Variants in JAK1 observed in about 807,000 individuals in gnomAD.
The protein encoded by JAK1 is Janus kinase 1.
In JAK1, 16 loss-of-function variants were observed where a neutral mutation model predicts 136.6. That is an observed-to-expected ratio of 0.12 (90% CI 0.08 to 0.18). The LOEUF is 0.18. Among genes scored for constraint, JAK1 ranks in the 10% least tolerant of loss-of-function variants. The probability of loss-of-function intolerance (pLI) is 1.00; values close to 1 mark genes in which losing one functional copy is unlikely to be tolerated. For missense variants in JAK1, 859 were observed against 1,450.1 expected (o/e 0.59, Z 6.62); for synonymous variants, 492 against 519.5 (o/e 0.95, Z 0.72).
At chr1:65,046,162 T>C (rs1361466953) in intron 1 of JAK1, among the ~76,000 whole-genome samples, 1 of 152,250 alleles carries the variant, frequency 6.6e-6, no homozygotes, top group Non-Finnish European at 1.5e-5. Context: ...TTATTTTTCA[T>C]AATCATCAGC....
chr1:65,066,271 C>A (rs1475708336), intron 1 of JAK1, among the ~76,000 whole-genome samples: 1 of 152,148 alleles, frequency 6.6e-6, no homozygotes, highest in African/African-American at 2.4e-5. Context: ...CCGGCGTCTC[C>A]GCCAAGTCCC....
intron 1 of JAK1, among the ~76,000 whole-genome samples, chr1:64,947,688 A>G (rs1042836803): frequency 6.6e-6 from 1 of 152,054 alleles, no homozygotes; most frequent in Non-Finnish European, 1.5e-5. Flanking sequence ...TTCACTGAAC[A>G]ACAGGTCCCT....
At chr1:64,930,479 T>A (rs1036521099) in intron 1 of JAK1, among the ~76,000 whole-genome samples, 5 of 152,084 alleles carry the variant, frequency 3.3e-5, no homozygotes, top group Admixed American at 3.3e-4. Flanking sequence ...AGAATGGCGA[T>A]CATTAAAAAG....
chr1:65,014,240 G>A (rs1417172386), intron 2 of JAK1, among the ~76,000 whole-genome samples: 3 of 152,038 alleles, frequency 2.0e-5, no homozygotes, highest in Non-Finnish European at 4.4e-5. Context: ...GGCAGAAACA[G>A]TATTTGAAGA....
At chr1:64,847,728 A>G in intron 12 of JAK1, 53 bp from the exon 13 acceptor site, 3 of 1,591,522 alleles carry the variant, frequency 1.9e-6, no homozygotes, top group Non-Finnish European at 2.6e-6. Context: ...GAAGTGATGG[A>G]CCGTCTGGGA....
intron 1 of JAK1, among the ~76,000 whole-genome samples, chr1:64,919,375 C>T (rs1645456783): frequency 6.6e-6 from 1 of 152,172 alleles, no homozygotes; most frequent in Non-Finnish European, 1.5e-5. Context: ...CATAGTATTC[C>T]ATGGTGTATA....
intron 1 of JAK1, among the ~76,000 whole-genome samples, chr1:64,937,618 T>C (rs545022932): frequency 6.6e-6 from 1 of 152,264 alleles, no homozygotes; most frequent in East Asian, 1.9e-4. Context: ...TAGGCATTAG[T>C]GGAACACTGA....
At chr1:64,858,691 T>C (rs577530467) in intron 9 of JAK1, among the ~76,000 whole-genome samples, 1 of 152,288 alleles carries the variant, frequency 6.6e-6, no homozygotes, top group South Asian at 2.1e-4. Context: ...GCCCCAGCCT[T>C]TGGGAAGCTC....
chr1:64,844,290 G>A lies in JAK1; in HGVS notation c.2252-75C>T. On this transcript the variant is annotated intron_variant, in intron 16 of 24. Coordinates refer to ENST00000342505, the MANE Select transcript of JAK1 (RefSeq NM_002227.4). The surrounding 1 kb of genome is among the most constrained non-coding windows in gnomAD (Gnocchi z 5.7). ...GATTCAATTACTGTCACTGCAGCCA[G>A]AACAGTGAGCCAATGAAGGAACTAC... is the stretch of plus-strand genomic sequence containing the variant. 1 of 1,559,296 alleles carries A rather than the reference G, an allele frequency of 6.4e-7. No individual in the cohort carries two copies. Among genetic ancestry groups the A allele is most frequent in the Non-Finnish European group, 8.8e-7 (1 of 1,131,472 alleles).
At chr1:64,881,844 A>C (rs528952911) in intron 3 of JAK1, among the ~76,000 whole-genome samples, 177 of 152,250 alleles carry the variant, frequency 1.2e-3, no homozygotes, top group Non-Finnish European at 1.9e-3. Flanking sequence ...TTACAAACTG[A>C]GTGAGGTTTA....
intron 19 of JAK1, among the ~76,000 whole-genome samples, chr1:64,840,009 A>C (rs1654787442): frequency 6.6e-6 from 1 of 152,238 alleles, no homozygotes; most frequent in South Asian, 2.1e-4. Flanking sequence ...TACTGAGCCA[A>C]GACAAAGTAG....
intron 2 of JAK1, among the ~76,000 whole-genome samples, chr1:65,015,994 T>A (rs1646889167): frequency 6.6e-6 from 1 of 152,216 alleles, no homozygotes; most frequent in Non-Finnish European, 1.5e-5. Flanking sequence ...ATACATACAA[T>A]GGAATATTAT....
chr1:64,949,108 A>C (rs1024698812), intron 1 of JAK1, among the ~76,000 whole-genome samples: 3 of 152,228 alleles, frequency 2.0e-5, no homozygotes, highest in African/African-American at 7.2e-5. Flanking sequence ...GGATAGACTT[A>C]ATCCTAACAG....
At chr1:64,916,380 A>G (rs1270373187) in intron 1 of JAK1, among the ~76,000 whole-genome samples, 3 of 152,204 alleles carry the variant, frequency 2.0e-5, no homozygotes, top group African/African-American at 4.8e-5. Context: ...AAAGGGCCCT[A>G]CGGAACTTCT....
At chr1:64,889,029 G>A (rs1233491267) in intron 1 of JAK1, among the ~76,000 whole-genome samples, 1 of 152,222 alleles carries the variant, frequency 6.6e-6, no homozygotes, top group Non-Finnish European at 1.5e-5. Context: ...AGGATGACAA[G>A]CGGTTTTTTT....
rs1646380452 is a variant in JAK1 at position 64,966,421 on chromosome 1, G to C, written c.-166C>G. 1 of 151,240 alleles carries C rather than the reference G, an allele frequency of 6.6e-6. No homozygotes were observed. Among genetic ancestry groups the C allele is most frequent in the African/African-American group, 2.4e-5 (1 of 41,322 alleles). 9.4% of individuals were successfully genotyped at this position (151,240 alleles called of 1,614,324 possible). A position where few individuals can be genotyped will look rare whatever the true frequency, so the allele number is the denominator to read the frequency against. ...GGCTCGCTAGGCGGCCAGCCCCGCGGGGCCCCAGCGTGCGCGCGCCCAGGG... is the reference window on the plus strand; with the variant it reads ...GGCTCGCTAGGCGGCCAGCCCCGCGCGGCCCCAGCGTGCGCGCGCCCAGGG... On this transcript the variant is annotated 5_prime_UTR_variant, in exon 1 of 25. Coordinates refer to ENST00000342505, the MANE Select transcript of JAK1 (RefSeq NM_002227.4).
intron 2 of JAK1, among the ~76,000 whole-genome samples, chr1:65,026,737 G>T (rs534696533): frequency 3.9e-5 from 6 of 152,052 alleles, no homozygotes; most frequent in Non-Finnish European, 8.8e-5. Context: ...GGCAGAGGGC[G>T]GGCAGATCAC....
rs1040557489 is a variant in JAK1 at position 64,849,465 on chromosome 1, G to C, written c.1755+1339C>G. ...CCCGCCTTGGCCTCTCAAAGCGCTG[G>C]GACGACAGGTGTGAGCCACTGTGTG... On this transcript the variant is annotated intron_variant, in intron 12 of 24. Transcript: ENST00000342505. 3.9e-5 allele frequency among the ~76,000 whole-genome samples: 6 copies of C among 152,314 alleles called. No individual in the cohort carries two copies. The South Asian group carries it at 1.2e-3, about 32-fold the overall frequency.
At chr1:64,878,942 G>T in intron 4 of JAK1, 83 bp downstream of exon 4, 1 of 1,345,560 alleles carries the variant, frequency 7.4e-7, no homozygotes, top group Non-Finnish European at 1.0e-6. Context: ...ATACTTCTTG[G>T]TAAGTGACTC....
Sources: gnomAD v4.1 joint callset for allele counts (sites outside exome capture counted in the v4.1 genomes callset) on GRCh38, gnomAD v4.1.1 for gene constraint, Gnocchi (gnomAD v3.1) non-coding constraint, MANE v1.5 for transcripts, NCBI Gene and HGNC (gene_info 2026-07-23, HGNC 2026-07-21) for gene names.